TRPM1: variants seen among roughly 807,000 people sequenced by gnomAD.
The protein encoded by TRPM1 is TRPM1-203 APA Isoform, Intron 10.
A neutral mutation model predicts 149.4 loss-of-function variants in TRPM1; 113 were observed. The ratio of observed to expected loss-of-function variants is 0.76; its 90% CI spans 0.65 to 0.88. The LOEUF (loss-of-function observed/expected upper bound fraction) is 0.88. TRPM1 is among the 40% of genes least tolerant of loss of function. The probability of loss-of-function intolerance (pLI) is 0.00; values close to 1 mark genes in which losing one functional copy is unlikely to be tolerated. For missense variants in TRPM1, 1,976 were observed against 2,038.7 expected (o/e 0.97, Z 0.59); for synonymous variants, 741 against 759.5 (o/e 0.98, Z 0.40).
chr15:31,105,415 A>G (rs2035588527), upstream of TRPM1, among the ~76,000 whole-genome samples: 1 of 151,304 alleles, frequency 6.6e-6, no homozygotes, highest in Non-Finnish European at 1.5e-5. Flanking sequence ...CAGCAGGCGG[A>G]ACTATGAAGC....
In TRPM1 at chr15:31,113,762, G is replaced by A. The variant is rs144750683; in HGVS notation, c.55-36778C>T. 5.1e-3 allele frequency among the ~76,000 whole-genome samples: 777 copies of A among 152,268 alleles called. 10 individuals carry two copies. The highest frequency in any genetic ancestry group is 0.017 in the African/African-American group (723 of 41,542). ...AAGAATGAAGCATGCGGACCTTCCC[G>A]GTGAGTGTTACAGCTCTTAAAGGTG... On this transcript the variant is annotated intron_variant, in intron 1 of 26. Coordinates refer to the TRPM1 transcript ENST00000542188.
upstream of TRPM1, among the ~76,000 whole-genome samples, chr15:31,104,811 G>C (rs772303625): frequency 9.9e-5 from 15 of 152,024 alleles, no homozygotes; most frequent in African/African-American, 3.4e-4. Flanking sequence ...GGCCAGGATG[G>C]TCTCAATCTC....
chr15:31,050,360 C>T (rs1222116460), intron 12 of TRPM1, 49 bp downstream of exon 12: 2 of 1,613,940 alleles, frequency 1.2e-6, no homozygotes, highest in Non-Finnish European at 1.7e-6. Flanking sequence ...ATCCCTTCCC[C>T]TGGGGAAGGG....
intron 9 of TRPM1, 144 bp from the exon 10 acceptor site, chr15:31,061,658 CTTTT>C: frequency 1.4e-6 from 1 of 700,494 alleles, no homozygotes; most frequent in Non-Finnish European, 2.5e-6. Flanking sequence ...CTGTTGATTT[CTTTT>C]TTTTCTTTTC....
In TRPM1 at chr15:31,063,691, G is replaced by A. The variant is rs372282057; in HGVS notation, c.791-399C>T. Among the ~76,000 whole-genome samples the A allele has an allele frequency of 1.4e-4, 21 of 152,270 alleles. 2 individuals carry two copies. The highest frequency in any genetic ancestry group is 4.8e-4 in the African/African-American group (20 of 41,544). On this transcript the variant is annotated intron_variant, in intron 7 of 27. Coordinates refer to ENST00000256552, the MANE Select transcript of TRPM1 (RefSeq NM_001252024.2). ...TGGTCTCAAACACCTGGGCTCAAGT[G>A]ATCCACCTGCCTTGGCCTCCCAAAG...
intron 1 of TRPM1, among the ~76,000 whole-genome samples, chr15:31,113,669 A>T (rs2035748868): frequency 6.6e-6 from 1 of 151,634 alleles, no homozygotes; most frequent in Non-Finnish European, 1.5e-5. Flanking sequence ...GCCCTCCATC[A>T]CCCACGTTTT....
chr15:31,046,579 G>A (rs1032786344), intron 15 of TRPM1, among the ~76,000 whole-genome samples: 1 of 152,194 alleles, frequency 6.6e-6, no homozygotes, highest in African/African-American at 2.4e-5. Context: ...TTTGATAAGG[G>A]TGGGAAAGGC....
chr15:31,151,585 C>T (rs1186694969), intron 1 of TRPM1, among the ~76,000 whole-genome samples: 1 of 152,228 alleles, frequency 6.6e-6, no homozygotes, highest in Non-Finnish European at 1.5e-5. Context: ...GTGCTCTGGC[C>T]AGGGTTTGGT....
At position 31,071,984 on chromosome 15, in the gene TRPM1, T is replaced by C. The variant is rs1342098456; in HGVS notation, c.84-1758A>G. Among the ~76,000 whole-genome samples the C allele has an allele frequency of 3.4e-4, 21 of 62,522 alleles. 1 individual carries two copies. Among genetic ancestry groups the C allele is most frequent in the African/African-American group, 1.0e-3 (12 of 11,748 alleles). The allele number at this position is 62,522 out of a possible 152,430, so 41.0% of individuals were successfully genotyped here. A position where few individuals can be genotyped will look rare whatever the true frequency, so the allele number is the denominator to read the frequency against. ...GTCTCAAAAAAAAAAAAAAAACATA[T>C]ATATATATATATATATATATATATA... On this transcript the variant is annotated intron_variant, in intron 3 of 27. Coordinates refer to ENST00000256552, the MANE Select transcript of TRPM1 (RefSeq NM_001252024.2).
At chr15:31,100,682 T>C (rs1356871509) in intron 1 of TRPM1, among the ~76,000 whole-genome samples, 1 of 152,208 alleles carries the variant, frequency 6.6e-6, no homozygotes, top group Non-Finnish European at 1.5e-5. Context: ...CTAGGCTTTT[T>C]CCGTGAATAG....
intron 1 of TRPM1, among the ~76,000 whole-genome samples, chr15:31,120,034 T>C (rs2141032795): frequency 6.6e-6 from 1 of 152,218 alleles, no homozygotes; most frequent in East Asian, 1.9e-4. Context: ...ATGGCCTAAA[T>C]ACACCAACTA....
At chr15:31,063,610 G>A (rs1479792567) in intron 7 of TRPM1, among the ~76,000 whole-genome samples, 1 of 151,980 alleles carries the variant, frequency 6.6e-6, no homozygotes, top group African/African-American at 2.4e-5. Context: ...ATGGGCACAT[G>A]CCACCACACC....
chr15:31,063,935 C>T (rs2034302517), intron 7 of TRPM1, among the ~76,000 whole-genome samples: 2 of 151,950 alleles, frequency 1.3e-5, no homozygotes, highest in Non-Finnish European at 2.9e-5. Flanking sequence ...GGAAAAATAT[C>T]CCCCTGGCTG....
rs144237965 is a variant in TRPM1 at position 31,093,168 on chromosome 15, G to A, written c.-84+8489C>T. On this transcript the variant is annotated intron_variant, in intron 1 of 27. Coordinates refer to ENST00000256552, the MANE Select transcript of TRPM1 (RefSeq NM_001252024.2). ...CCCAGCTACTCAGGAGGCTGAGGCA[G>A]GAGAATTGCTTTAACCTGGGAGGCA... Among the ~76,000 whole-genome samples the A allele has an allele frequency of 3.9e-3, 584 of 149,076 alleles. 4 individuals are homozygous for A. The highest frequency in any genetic ancestry group is 5.7e-3 in the Non-Finnish European group (386 of 67,676).
At chr15:31,103,981 G>A (rs16956543), upstream of TRPM1, among the ~76,000 whole-genome samples, 5,740 of 152,182 alleles carry the variant, frequency 0.038, 360 homozygotes, top group African/African-American at 0.13. Flanking sequence ...ACTCTCCAGA[G>A]GCATCCTCCC....
At chr15:31,115,581 G>A (rs2035787527) in intron 1 of TRPM1, among the ~76,000 whole-genome samples, 1 of 152,142 alleles carries the variant, frequency 6.6e-6, no homozygotes, top group Non-Finnish European at 1.5e-5. Flanking sequence ...AGGTTCCAGA[G>A]ATGGCCAATC....
chr15:31,100,027 G>A (rs959187025), intron 1 of TRPM1, among the ~76,000 whole-genome samples: 7 of 151,610 alleles, frequency 4.6e-5, no homozygotes, highest in African/African-American at 1.5e-4. Context: ...CCTTGTCAAC[G>A]CAAACACAAT....
chr15:31,050,987 G>A (rs1215721445), intron 11 of TRPM1, among the ~76,000 whole-genome samples: 1 of 152,242 alleles, frequency 6.6e-6, no homozygotes, highest in Non-Finnish European at 1.5e-5. Flanking sequence ...TGTGTCCATA[G>A]TTGTTTAATG....
At chr15:31,113,508 A>G (rs773376498) in intron 1 of TRPM1, among the ~76,000 whole-genome samples, 12 of 152,116 alleles carry the variant, frequency 7.9e-5, no homozygotes, top group African/African-American at 9.7e-5. Flanking sequence ...GTGACTGAGA[A>G]TTTTCCAAAC....
Sources: gnomAD v4.1 joint callset for allele counts (sites outside exome capture counted in the v4.1 genomes callset) on GRCh38, gnomAD v4.1.1 for gene constraint, MANE v1.5 for transcripts, NCBI Gene and HGNC (gene_info 2026-07-23, HGNC 2026-07-21) for gene names.